PRKCB: variants seen among roughly 807,000 people sequenced by gnomAD.
PRKCB encodes protein kinase C beta, also known as protein kinase C beta type.
PRKCB carries 13 observed loss-of-function variants against 81.5 expected under a neutral mutation model. The observed-to-expected ratio is 0.16, with a 90% CI of 0.10 to 0.25. The LOEUF (loss-of-function observed/expected upper bound fraction) is 0.25, where lower values mean the gene tolerates loss of function less well. PRKCB is among the 10% of genes least tolerant of loss of function. The pLI, the probability that PRKCB is intolerant of heterozygous loss-of-function variation, is 1.00. For missense variants in PRKCB, 509 were observed against 875.7 expected (o/e 0.58, Z 5.29); for synonymous variants, 335 against 321.4 (o/e 1.04, Z -0.45).
chr16:24,197,019 C>T (rs756217049), intron 16 of PRKCB, among the ~76,000 whole-genome samples: 3 of 151,436 alleles, frequency 2.0e-5, no homozygotes, highest in Non-Finnish European at 2.9e-5. Flanking sequence ...TGGGAAGAAG[C>T]GTGTGCTGGT....
rs2141997741 is a variant in PRKCB, at chr16:24,217,776, A to AT, written c.*2960_*2961insT. 1.0e-6 allele frequency: 1 copy of AT among 985,456 alleles called. No homozygotes were observed. The highest frequency in any genetic ancestry group is 1.7e-5 in the African/African-American group (1 of 57,366). 61.0% of individuals were successfully genotyped at this position (985,456 alleles called of 1,614,324 possible). The stretch of plus-strand genomic sequence containing the variant: ...TGAGACCAGGGGAGACCTAAAAAAA[A>AT]GGCAGCTTTGTGTCTTCTAGCTCCA... On this transcript the variant is annotated 3_prime_UTR_variant, in exon 17 of 17. Coordinates refer to ENST00000643927, the MANE Select transcript of PRKCB (RefSeq NM_002738.7).
intron 9 of PRKCB, among the ~76,000 whole-genome samples, chr16:24,125,253 C>CT (rs1486025582): frequency 2.0e-5 from 3 of 152,248 alleles, no homozygotes; most frequent in Non-Finnish European, 4.4e-5. Flanking sequence ...CCTCCAATGA[C>CT]TTTCCATCCA....
At chr16:24,201,936 T>C (rs1368948684) in intron 16 of PRKCB, among the ~76,000 whole-genome samples, 1 of 150,802 alleles carries the variant, frequency 6.6e-6, no homozygotes, top group East Asian at 2.0e-4. Context: ...CTCGGGAGGC[T>C]GAGGCAGGAG....
intron 8 of PRKCB, among the ~76,000 whole-genome samples, chr16:24,114,580 G>C (rs1289381093): frequency 6.6e-6 from 1 of 152,086 alleles, no homozygotes; most frequent in Admixed American, 6.5e-5. Flanking sequence ...AAGAGCAGCA[G>C]GTGTATAGGA....
chr16:23,965,003 T>C (rs1324058727), intron 2 of PRKCB, among the ~76,000 whole-genome samples: 3 of 152,190 alleles, frequency 2.0e-5, no homozygotes, highest in African/African-American at 7.2e-5. Context: ...CCTCCTTTTG[T>C]TCTTCCAGCT....
chr16:23,836,335 A>G lies in PRKCB; in HGVS notation c.160A>G (p.Thr54Ala). Reference sequence around the variant, plus strand: ...GCAGCCCACCTTCTGCAGCCACTGCACCGACTTCATCTGGTGAGCGCGCGC... The same window carrying G: ...GCAGCCCACCTTCTGCAGCCACTGCGCCGACTTCATCTGGTGAGCGCGCGC... ...FKQPTFCSHCTDFIWGFGKQG... is the reference protein window; with the variant it reads ...FKQPTFCSHCADFIWGFGKQG... Residue 54 changes from threonine (T) to alanine (A), a missense_variant, in exon 1 of 17, where the codon ACC becomes GCC. Physicochemically the swap from Thr to Ala is moderately conservative, Grantham distance 58. This residue lies in a region of PRKCB where 184 missense variants were observed against 362.9 expected (regional missense o/e 0.51). Coordinates refer to ENST00000643927, the MANE Select transcript of PRKCB (RefSeq NM_002738.7). 1 of 1,602,166 alleles carries G rather than the reference A, an allele frequency of 6.2e-7. No homozygotes were observed. The highest frequency in any genetic ancestry group is 2.3e-5 in the East Asian group (1 of 43,216).
chr16:24,054,982 C>T (rs1186531965), intron 5 of PRKCB, among the ~76,000 whole-genome samples: 3 of 152,168 alleles, frequency 2.0e-5, no homozygotes, highest in Non-Finnish European at 4.4e-5. Flanking sequence ...GATCCTCCTC[C>T]CCCAGGATCA....
rs757537204 is a variant in PRKCB, at chr16:24,046,675, G to T, written c.529+11128G>T. Among the ~76,000 whole-genome samples, 149 of 152,120 alleles carry T rather than the reference G, an allele frequency of 9.8e-4. 2 individuals carry two copies. Among genetic ancestry groups the T allele is most frequent in the Non-Finnish European group, 2.4e-4 (16 of 68,038 alleles). ...GAGTGACAGGAACTGACAGCCAGTG[G>T]GTGTGACTGGAGCCTCGGGATGGGG... is the stretch of plus-strand genomic sequence containing the variant. On this transcript the variant is annotated intron_variant, in intron 5 of 16. Coordinates refer to ENST00000643927, the MANE Select transcript of PRKCB (RefSeq NM_002738.7).
At chr16:24,150,607 G>A (rs777332292) in intron 9 of PRKCB, among the ~76,000 whole-genome samples, 1 of 152,206 alleles carries the variant, frequency 6.6e-6, no homozygotes, top group Non-Finnish European at 1.5e-5. Context: ...TTAAACTGCA[G>A]TCATTTTTTA....
chr16:24,156,444 T>A (rs979425199), intron 10 of PRKCB, among the ~76,000 whole-genome samples: 2 of 152,084 alleles, frequency 1.3e-5, no homozygotes, highest in Admixed American at 1.3e-4. Flanking sequence ...CCAGCTAATT[T>A]TTGAACTTTT....
chr16:24,098,572 A>C (rs1157174890), intron 7 of PRKCB: 1 of 152,216 alleles, frequency 6.6e-6, no homozygotes, highest in Non-Finnish European at 1.5e-5. Context: ...CAACATAGTG[A>C]AACCATGTCT....
chr16:23,874,539 A>G (rs1962962840), intron 2 of PRKCB, among the ~76,000 whole-genome samples: 1 of 150,824 alleles, frequency 6.6e-6, no homozygotes, highest in African/African-American at 2.4e-5. Context: ...GTGTACCCAC[A>G]CAGGCCTAGC....
At chr16:24,167,318 A>G (rs2141962363) in intron 10 of PRKCB, among the ~76,000 whole-genome samples, 1 of 152,208 alleles carries the variant, frequency 6.6e-6, no homozygotes, top group Middle Eastern at 3.4e-3. Flanking sequence ...GAGAGGGTGA[A>G]GCAGTATTGG....
At chr16:23,905,223 A>C (rs1390047670) in intron 2 of PRKCB, among the ~76,000 whole-genome samples, 1 of 152,006 alleles carries the variant, frequency 6.6e-6, no homozygotes, top group African/African-American at 2.4e-5. Flanking sequence ...TGCAGCTTGC[A>C]CTGAGTTTGG....
At chr16:24,138,798 G>C (rs1966874867) in intron 9 of PRKCB, among the ~76,000 whole-genome samples, 1 of 140,430 alleles carries the variant, frequency 7.1e-6, no homozygotes, top group Non-Finnish European at 1.5e-5. Context: ...GTTTCTTTAA[G>C]TTTGACTATT....
chr16:24,072,473 CT>C (rs1267883590), intron 5 of PRKCB, among the ~76,000 whole-genome samples: 1 of 152,132 alleles, frequency 6.6e-6, no homozygotes, highest in Admixed American at 6.5e-5. Flanking sequence ...GGGTCTCCAA[CT>C]CCTGGCCTCA....
In PRKCB at chr16:24,165,883, CTTTTTT is replaced by C. The variant is rs71154285; in HGVS notation, c.1240-6369_1240-6364del. Among the ~76,000 whole-genome samples the C allele has an allele frequency of 2.8e-3, 264 of 94,000 alleles. 1 individual carries two copies. The highest frequency in any genetic ancestry group is 8.2e-3 in the African/African-American group (216 of 26,364). 61.7% of individuals were successfully genotyped at this position (94,000 alleles called of 152,430 possible). A position where few individuals can be genotyped will look rare whatever the true frequency, so the allele number is the denominator to read the frequency against. ...AAAGATTTTTTTCTTTTCTTTCTTT[CTTTTTT>C]TTTTTTTTTTTTTTTTTGACACAGG... On this transcript the variant is annotated intron_variant, in intron 10 of 16. Transcript: ENST00000643927.
At chr16:23,882,014 CTTT>C in intron 2 of PRKCB, among the ~76,000 whole-genome samples, 43 of 101,564 alleles carry the variant, frequency 4.2e-4, no homozygotes, top group African/African-American at 8.2e-4. Context: ...TTCTTTCTTT[CTTT>C]CTTTCTTCCT....
At chr16:23,890,942 TTA>T (rs1963283197) in intron 2 of PRKCB, among the ~76,000 whole-genome samples, 2 of 152,140 alleles carry the variant, frequency 1.3e-5, no homozygotes, top group Admixed American at 6.6e-5. Context: ...ACATTTATCT[TTA>T]TATATGTATG....
Sources: allele counts gnomAD v4.1 joint callset (sites outside exome capture counted in the v4.1 genomes callset), GRCh38; gene constraint gnomAD v4.1.1; regional missense constraint gnomAD v4.1.1; transcripts MANE v1.5; gene names NCBI Gene and HGNC (gene_info 2026-07-23, HGNC 2026-07-21).